Variants in MAGI2 observed in about 807,000 individuals in gnomAD.
The protein encoded by MAGI2 is membrane associated guanylate kinase, WW and PDZ domain containing 2.
MAGI2 carries 35 observed loss-of-function variants against 133.3 expected under a neutral mutation model. The ratio of observed to expected loss-of-function variants is 0.26; its 90% CI spans 0.20 to 0.35. MAGI2 has a LOEUF of 0.35. Ranked by LOEUF, MAGI2 falls within the 10% of genes least tolerant of loss-of-function variation. The probability of loss-of-function intolerance (pLI) is 1.00; values close to 1 mark genes in which losing one functional copy is unlikely to be tolerated. For synonymous variants in MAGI2, 729 were observed against 710.6 expected (o/e 1.03, Z -0.41); for missense variants, 1,636 against 1,863.4 (o/e 0.88, Z 2.25).
chr7:79,105,342 T>A (rs1818357144), intron 1 of MAGI2, among the ~76,000 whole-genome samples: 1 of 152,178 alleles, frequency 6.6e-6, no homozygotes, highest in African/African-American at 2.4e-5. Flanking sequence ...TATGGAGCTA[T>A]GACTGAGATG....
intron 20 of MAGI2, among the ~76,000 whole-genome samples, chr7:78,083,383 GGGGGGAGAGAGAGAGA>G (rs1563098724): frequency 6.7e-4 from 51 of 76,460 alleles, no homozygotes; most frequent in African/African-American, 2.5e-3. Context: ...AGGGAGGGAG[GGGGGGAGAGAGAGAGA>G]GAGAGAGAGA....
At chr7:78,461,506 A>C (rs943822796) in intron 6 of MAGI2, among the ~76,000 whole-genome samples, 6 of 151,740 alleles carry the variant, frequency 4.0e-5, no homozygotes, top group African/African-American at 1.5e-4. Flanking sequence ...TTTAATCTTT[A>C]ACCAGTTTAG....
At chr7:79,189,060 C>A (rs1827419618) in intron 1 of MAGI2, among the ~76,000 whole-genome samples, 1 of 151,778 alleles carries the variant, frequency 6.6e-6, no homozygotes, top group African/African-American at 2.4e-5. Flanking sequence ...TGTTTTTAAA[C>A]AAACTGTGGT....
intron 2 of MAGI2, among the ~76,000 whole-genome samples, chr7:78,957,304 AATT>A (rs1347614948): frequency 6.6e-6 from 1 of 151,242 alleles, no homozygotes; most frequent in Non-Finnish European, 1.5e-5. Flanking sequence ...AAGAAAAAAA[AATT>A]TAGGAACCCC....
At chr7:78,629,107 C>T (rs752835108) in intron 2 of MAGI2, among the ~76,000 whole-genome samples, 11 of 152,118 alleles carry the variant, frequency 7.2e-5, no homozygotes, top group Non-Finnish European at 1.2e-4. Flanking sequence ...AGTAACATGG[C>T]TGTACCAAAT....
At chr7:78,619,093 A>C (rs1047351320) in intron 3 of MAGI2, 1 of 149,636 alleles carries the variant, frequency 6.7e-6, no homozygotes, top group African/African-American at 2.4e-5. Context: ...GATGTTAATT[A>C]GTTTGACTAG....
chr7:79,047,239 C>A (rs183299305), intron 1 of MAGI2, among the ~76,000 whole-genome samples: 28 of 152,014 alleles, frequency 1.8e-4, no homozygotes, highest in Non-Finnish European at 1.6e-4. Context: ...TCAATCAAAC[C>A]ATTAAAACAT....
chr7:78,032,009 CTTTTTT>C (rs377672697), intron 21 of MAGI2, among the ~76,000 whole-genome samples: 2 of 124,168 alleles, frequency 1.6e-5, no homozygotes, highest in South Asian at 2.8e-4. Flanking sequence ...AGCCCCCCCA[CTTTTTT>C]TTTTTTTTTT....
intron 1 of MAGI2, among the ~76,000 whole-genome samples, chr7:79,201,668 C>G (rs1828627935): frequency 2.6e-5 from 4 of 151,906 alleles, no homozygotes; most frequent in Non-Finnish European, 4.4e-5. Context: ...TGTTAACCCA[C>G]TGTTTCCTAA....
chr7:78,305,374 G>A (rs964745032), intron 9 of MAGI2, among the ~76,000 whole-genome samples: 5 of 152,166 alleles, frequency 3.3e-5, no homozygotes, highest in South Asian at 2.1e-4. Flanking sequence ...CAAAAGCTCC[G>A]TGAGACAGCG....
intron 1 of MAGI2, among the ~76,000 whole-genome samples, chr7:79,147,748 A>G (rs1822786329): frequency 6.9e-6 from 1 of 144,772 alleles, no homozygotes; most frequent in Non-Finnish European, 1.5e-5. Flanking sequence ...TGCCCCAGGG[A>G]ATGGAGCAGG....
chr7:79,186,559 G>A (rs1052220303), intron 1 of MAGI2, among the ~76,000 whole-genome samples: 2 of 149,264 alleles, frequency 1.3e-5, no homozygotes, highest in Non-Finnish European at 3.0e-5. Flanking sequence ...TCCTAAGAAG[G>A]ACTGTTTGGG....
At chr7:78,288,977 G>A (rs889136474) in intron 9 of MAGI2, among the ~76,000 whole-genome samples, 1 of 152,216 alleles carries the variant, frequency 6.6e-6, no homozygotes, top group Non-Finnish European at 1.5e-5. Flanking sequence ...ACCAAAGGTA[G>A]ATAAAACCAC....
At chr7:79,375,224 G>A (rs1004373150) in intron 1 of MAGI2, among the ~76,000 whole-genome samples, 1 of 151,920 alleles carries the variant, frequency 6.6e-6, no homozygotes, top group Non-Finnish European at 1.5e-5. Context: ...ATTTCATTCT[G>A]TATGAAAAAA....
At chr7:78,714,662 C>T (rs898190713) in intron 2 of MAGI2, among the ~76,000 whole-genome samples, 3 of 152,148 alleles carry the variant, frequency 2.0e-5, no homozygotes, top group African/African-American at 2.4e-5. Context: ...ATTCAAGAAC[C>T]ATGCACTGTC....
intron 21 of MAGI2, among the ~76,000 whole-genome samples, chr7:78,052,022 C>A (rs1812061134): frequency 6.6e-6 from 1 of 151,972 alleles, no homozygotes; most frequent in African/African-American, 2.4e-5. Flanking sequence ...TGGCACACAC[C>A]ACCACACTTG....
chr7:78,529,667 G>GT (rs1563128653), intron 3 of MAGI2, among the ~76,000 whole-genome samples: 18 of 56,332 alleles, frequency 3.2e-4, no homozygotes, highest in African/African-American at 9.7e-4. Context: ...TAAAGGAGAT[G>GT]GTTTTTTTTT....
At chr7:78,464,411 A>G (rs1260685294) in intron 6 of MAGI2, among the ~76,000 whole-genome samples, 1 of 152,086 alleles carries the variant, frequency 6.6e-6, no homozygotes, top group Non-Finnish European at 1.5e-5. Flanking sequence ...TACTTTTGGA[A>G]GCCCTTTTGC....
intron 3 of MAGI2, among the ~76,000 whole-genome samples, chr7:78,550,915 G>A (rs943263352): frequency 1.3e-5 from 2 of 152,102 alleles, no homozygotes; most frequent in African/African-American, 4.8e-5. Flanking sequence ...CATTTAGTGT[G>A]TCTCTTTGTA....
Sources: allele counts gnomAD v4.1 joint callset (sites outside exome capture counted in the v4.1 genomes callset), GRCh38; gene constraint gnomAD v4.1.1; transcripts MANE v1.5; gene names NCBI Gene and HGNC (gene_info 2026-07-23, HGNC 2026-07-21).